Variants in SYT9 observed in about 807,000 individuals in gnomAD.
The protein encoded by SYT9 is synaptotagmin 9.
A neutral mutation model predicts 48.4 loss-of-function variants in SYT9; 22 were observed. The ratio of observed to expected loss-of-function variants is 0.45; its 90% CI spans 0.32 to 0.65. The LOEUF is 0.65. SYT9 is among the 30% of genes least tolerant of loss of function. SYT9 has a pLI of 0.03. For synonymous variants in SYT9, 265 were observed against 245.0 expected, an observed-to-expected ratio of 1.08 and a Z score of -0.76; for missense variants, 577 against 622.0, an observed-to-expected ratio of 0.93 and a Z score of 0.77.
At chr11:7,454,962 G>A (rs778167253) in intron 6 of SYT9, among the ~76,000 whole-genome samples, 1 of 152,190 alleles carries the variant, frequency 6.6e-6, no homozygotes, top group Admixed American at 6.5e-5. Flanking sequence ...CAGCCACAGT[G>A]TATAGAGGAC....
At chr11:7,453,496 G>A (rs985156686) in intron 6 of SYT9, among the ~76,000 whole-genome samples, 1 of 152,202 alleles carries the variant, frequency 6.6e-6, no homozygotes, top group African/African-American at 2.4e-5. Flanking sequence ...AAGGCAGTGA[G>A]TGGGGACCCC....
chr11:7,381,076 A>G (rs2134045523), intron 3 of SYT9, among the ~76,000 whole-genome samples: 1 of 152,300 alleles, frequency 6.6e-6, no homozygotes, highest in South Asian at 2.1e-4. Flanking sequence ...CATTCGTGGC[A>G]TGCTTTAGCT....
intron 1 of SYT9, among the ~76,000 whole-genome samples, chr11:7,246,219 A>G (rs1218391141): frequency 6.6e-6 from 1 of 152,214 alleles, no homozygotes; most frequent in Admixed American, 6.5e-5. Flanking sequence ...CTTCTGCCAC[A>G]GTCCCTGCTG....
chr11:7,362,747 C>T (rs58266991), intron 3 of SYT9, among the ~76,000 whole-genome samples: 3,490 of 152,116 alleles, frequency 0.023, 142 homozygotes, highest in African/African-American at 0.081. Flanking sequence ...TGTGTTATAT[C>T]TTAGAAGTGT....
At chr11:7,432,547 C>CAAAA (rs67650978) in intron 6 of SYT9, among the ~76,000 whole-genome samples, 3 of 16,948 alleles carry the variant, frequency 1.8e-4, no homozygotes, top group Non-Finnish European at 2.3e-4. Flanking sequence ...GACTCCATCT[C>CAAAA]AAAAAAAAAA....
At chr11:7,287,005 A>T (rs973091352) in intron 1 of SYT9, among the ~76,000 whole-genome samples, 1 of 152,128 alleles carries the variant, frequency 6.6e-6, no homozygotes, top group East Asian at 1.9e-4. Flanking sequence ...ATATTTTCAC[A>T]TATCTTTATA....
intron 6 of SYT9, chr11:7,440,964 G>C (rs1847819939): frequency 6.6e-6 from 1 of 152,212 alleles, no homozygotes; most frequent in Non-Finnish European, 1.5e-5. Flanking sequence ...GGAAAAAAAG[G>C]GTTCCAGGAC....
In SYT9 at chr11:7,467,389, G is replaced by A. The variant is rs1848354946; in HGVS notation, c.*589G>A. 6.6e-6 allele frequency: 1 copy of A among 152,558 alleles called. No individual in the cohort carries two copies. 9.5% of individuals were successfully genotyped at this position (152,558 alleles called of 1,614,324 possible). On this transcript the variant is annotated 3_prime_UTR_variant, in exon 7 of 7. Transcript: ENST00000318881. ...GGCTGTTCCCTGGAAAAAATCTAATGCAAGGAGGGCTAGTTCACAGCAAAT... is the reference window on the plus strand; with the variant it reads ...GGCTGTTCCCTGGAAAAAATCTAATACAAGGAGGGCTAGTTCACAGCAAAT...
intron 3 of SYT9, among the ~76,000 whole-genome samples, chr11:7,353,257 T>C (rs532949314): frequency 2.6e-5 from 4 of 152,222 alleles, no homozygotes; most frequent in African/African-American, 9.6e-5. Flanking sequence ...TGTCCTCCCC[T>C]GAGGCTTCTG....
At chr11:7,328,889 G>GTATC (rs1467465694) in intron 3 of SYT9, among the ~76,000 whole-genome samples, 1 of 152,002 alleles carries the variant, frequency 6.6e-6, no homozygotes. Context: ...TTTTTTCTCA[G>GTATC]TATCTATTCT....
chr11:7,432,573 AAAAAAAAAAATATATATACATATATATAT>A (rs1564901970), intron 6 of SYT9, among the ~76,000 whole-genome samples: 30 of 12,818 alleles, frequency 2.3e-3, no homozygotes, highest in South Asian at 7.8e-3. Context: ...AAAAAAAAAA[AAAAAAAAAAATATATATACATATATATAT>A]ATATATATAT....
chr11:7,332,192 C>G (rs1474209964), intron 3 of SYT9, among the ~76,000 whole-genome samples: 1 of 152,134 alleles, frequency 6.6e-6, no homozygotes, highest in African/African-American at 2.4e-5. Context: ...GAGCCTGATG[C>G]CACAAGGAGC....
intron 6 of SYT9, among the ~76,000 whole-genome samples, chr11:7,422,999 C>T (rs1847383159): frequency 6.6e-6 from 1 of 152,204 alleles, no homozygotes; most frequent in South Asian, 2.1e-4. Context: ...TAGGGTTAAA[C>T]CACTGAAACT....
intron 2 of SYT9, among the ~76,000 whole-genome samples, chr11:7,306,684 G>A (rs996823856): frequency 2.6e-5 from 4 of 152,092 alleles, no homozygotes; most frequent in Admixed American, 6.5e-5. Context: ...CACCCTAGCT[G>A]AAACATCACC....
intron 3 of SYT9, among the ~76,000 whole-genome samples, chr11:7,362,839 C>T (rs908574010): frequency 5.3e-5 from 8 of 151,702 alleles, no homozygotes; most frequent in Admixed American, 1.3e-4. Flanking sequence ...TTACATATAT[C>T]GCCATGACTG....
intron 1 of SYT9, among the ~76,000 whole-genome samples, chr11:7,240,253 C>A (rs1847727476): frequency 6.6e-6 from 1 of 152,174 alleles, no homozygotes; most frequent in Non-Finnish European, 1.5e-5. Context: ...CCATTCCATT[C>A]CTGGCTGTCT....
At chr11:7,273,639 G>A (rs1409614075) in intron 1 of SYT9, among the ~76,000 whole-genome samples, 1 of 152,270 alleles carries the variant, frequency 6.6e-6, no homozygotes, top group East Asian at 1.9e-4. Context: ...GGAAGTGTAT[G>A]AATGAGGTTT....
intron 3 of SYT9, among the ~76,000 whole-genome samples, chr11:7,331,033 A>C (rs1373934123): frequency 1.3e-5 from 2 of 151,822 alleles, no homozygotes; most frequent in African/African-American, 4.8e-5. Context: ...TCCTGACTCA[A>C]GTGATCCACT....
chr11:7,456,272 G>T (rs150869852), intron 6 of SYT9, among the ~76,000 whole-genome samples: 39 of 152,340 alleles, frequency 2.6e-4, no homozygotes, highest in African/African-American at 9.1e-4. Context: ...TTTGCTCTCT[G>T]ATCATGGAGA....
Sources: allele counts gnomAD v4.1 joint callset (sites outside exome capture counted in the v4.1 genomes callset), GRCh38; gene constraint gnomAD v4.1.1; transcripts MANE v1.5; gene names NCBI Gene and HGNC (gene_info 2026-07-23, HGNC 2026-07-21).